The following COG7 variants were observed in gnomAD, a reference collection of about 807,000 sequenced individuals.
COG7 encodes the protein conserved oligomeric Golgi complex subunit 7.
In COG7, 49 loss-of-function variants were observed where a neutral mutation model predicts 91.5. That is an observed-to-expected ratio of 0.54 (90% CI 0.43 to 0.68). The LOEUF (loss-of-function observed/expected upper bound fraction) is 0.68. COG7 is among the 30% of genes least tolerant of loss of function. The probability of loss-of-function intolerance (pLI) is 0.00; values close to 1 mark genes in which losing one functional copy is unlikely to be tolerated. For synonymous variants in COG7, 365 were observed against 388.7 expected, an observed-to-expected ratio of 0.94 and a Z score of 0.72; for missense variants, 895 against 961.3, an observed-to-expected ratio of 0.93 and a Z score of 0.91.
intron 9 of COG7, chr16:23,416,532 C>T (rs1963657104): frequency 3.8e-6 from 1 of 266,382 alleles, no homozygotes; most frequent in African/African-American, 2.3e-5. Flanking sequence ...AGGGCTTCAC[C>T]ATGTTGGCCA....
chr16:23,433,917 A>G (rs144370341), intron 5 of COG7, among the ~76,000 whole-genome samples: 1 of 152,234 alleles, frequency 6.6e-6, no homozygotes, highest in East Asian at 1.9e-4. Context: ...TGCCCTAAAA[A>G]CATGTAATGT....
chr16:23,446,053 A>T, intron 1 of COG7, 92 bp from the exon 2 acceptor site: 1 of 1,440,100 alleles, frequency 6.9e-7, no homozygotes, highest in South Asian at 1.2e-5. Context: ...ACAGGAAACA[A>T]ATCAGACAAC....
intron 16 of COG7, among the ~76,000 whole-genome samples, chr16:23,390,453 C>T (rs945434775): frequency 6.6e-6 from 1 of 152,130 alleles, no homozygotes; most frequent in African/African-American, 2.4e-5. Flanking sequence ...ATCCACCCAC[C>T]TCAGCCTCCC....
intron 14 of COG7, among the ~76,000 whole-genome samples, chr16:23,394,404 T>A (rs1963250944): frequency 6.6e-6 from 1 of 152,192 alleles, no homozygotes; most frequent in Admixed American, 6.6e-5. Flanking sequence ...ATTCATTGTT[T>A]TGTGTTTTAA....
At chr16:23,450,576 C>T (rs1443386527) in intron 1 of COG7, among the ~76,000 whole-genome samples, 1 of 152,036 alleles carries the variant, frequency 6.6e-6, no homozygotes, top group Non-Finnish European at 1.5e-5. Context: ...GCCTGTAATC[C>T]CAGCACTTTA....
At chr16:23,434,509 A>G (rs1963983770) in intron 5 of COG7, 127 bp downstream of exon 5, 4 of 757,318 alleles carry the variant, frequency 5.3e-6, no homozygotes, top group Non-Finnish European at 9.4e-6. Context: ...TGGCTAACTA[A>G]GAGAAAAACA....
chr16:23,396,117 A>G (rs1361020690), intron 14 of COG7, among the ~76,000 whole-genome samples: 1 of 152,214 alleles, frequency 6.6e-6, no homozygotes, highest in Non-Finnish European at 1.5e-5. Flanking sequence ...TGGCCCAGCC[A>G]CTAAACAACC....
intron 4 of COG7, among the ~76,000 whole-genome samples, chr16:23,439,891 T>G (rs928305887): frequency 6.6e-6 from 1 of 152,124 alleles, no homozygotes; most frequent in African/African-American, 2.4e-5. Flanking sequence ...AATTTTTTTC[T>G]AAAAAAGAAC....
At position 23,420,248 on chromosome 16, in the gene COG7, C is replaced by T. The variant is rs544525605; in HGVS notation, c.1010-1421G>A. ...ATGTAAATGTGCATATTCTACAACACAGTAATTCAATTCCTGAAAATCATC... is the reference window on the plus strand; with the variant it reads ...ATGTAAATGTGCATATTCTACAACATAGTAATTCAATTCCTGAAAATCATC... On this transcript the variant is annotated intron_variant, in intron 7 of 16. Coordinates refer to ENST00000307149, the MANE Select transcript of COG7 (RefSeq NM_153603.4). Among the ~76,000 whole-genome samples, 11 of 152,300 alleles carry T rather than the reference C, an allele frequency of 7.2e-5. No individual in the cohort carries two copies. In the East Asian group the frequency reaches 2.1e-3, roughly 29 times the overall value.
chr16:23,388,783 A>G lies in COG7; in HGVS notation c.*137T>C. 1.4e-6 allele frequency: 2 copies of G among 1,473,626 alleles called. No homozygotes were observed. Among genetic ancestry groups the G allele is most frequent in the South Asian group, 2.6e-5 (2 of 76,508 alleles). 91.3% of individuals were successfully genotyped at this position (1,473,626 alleles called of 1,614,324 possible). On this transcript the variant is annotated 3_prime_UTR_variant, in exon 17 of 17. Coordinates refer to ENST00000307149, the MANE Select transcript of COG7 (RefSeq NM_153603.4). ...CCAAAGTGCTGGGATTACAGGCGTG[A>G]GCCACCGTGACCAGCTGAACCAAGT... is the stretch of plus-strand genomic sequence containing the variant.
intron 1 of COG7, among the ~76,000 whole-genome samples, chr16:23,448,652 A>G (rs1295211142): frequency 6.6e-6 from 1 of 151,988 alleles, no homozygotes; most frequent in Non-Finnish European, 1.5e-5. Context: ...TCCCTGGACT[A>G]CGCCTTCTTA....
At position 23,416,955 on chromosome 16, in the gene COG7, C is replaced by T. The variant is rs549713733; in HGVS notation, c.1292+12G>A. 67 of 1,614,142 alleles carry T rather than the reference C, an allele frequency of 4.2e-5. 1 individual carries two copies. The East Asian group carries it at 1.4e-3, about 35-fold the overall frequency. On this transcript the variant is annotated intron_variant, in intron 9 of 16. Coordinates refer to ENST00000307149, the MANE Select transcript of COG7 (RefSeq NM_153603.4). ...AATGTGGCCCGTCTGGTCCCCAGTT[C>T]CCCAGCCTTACTTGGCAAAGAGGGA...
At chr16:23,425,175 T>C (rs1567340319) in intron 6 of COG7, among the ~76,000 whole-genome samples, 2 of 152,158 alleles carry the variant, frequency 1.3e-5, no homozygotes, top group Non-Finnish European at 2.9e-5. Flanking sequence ...CCGGGTGTGA[T>C]GGCGCATGCC....
Position 23,447,488 on chromosome 16 carries a change from G to A in COG7, c.170-1527C>T, listed in dbSNP as rs559816991. ...AGCCTCCCAAAGTGCTGGGATTACAGGCATAAGCCACCGCACCTGGCCTTA... is the reference window on the plus strand; with the variant it reads ...AGCCTCCCAAAGTGCTGGGATTACAAGCATAAGCCACCGCACCTGGCCTTA... On this transcript the variant is annotated intron_variant, in intron 1 of 16. Transcript: ENST00000307149. Among the ~76,000 whole-genome samples, 632 of 152,042 alleles carry A rather than the reference G, an allele frequency of 4.2e-3. 2 individuals carry two copies. Among genetic ancestry groups the A allele is most frequent in the African/African-American group, 0.014 (595 of 41,478 alleles).
chr16:23,415,197 C>T (rs1963633770), intron 9 of COG7: 1 of 152,200 alleles, frequency 6.6e-6, no homozygotes, highest in African/African-American at 2.4e-5. Context: ...GAGGGGCTGG[C>T]CTCAAGCACA....
Position 23,445,916 on chromosome 16 carries a change from T to A in COG7, c.215A>T (p.Asp72Val). 1 of 1,610,962 alleles carries A rather than the reference T, an allele frequency of 6.2e-7. No individual in the cohort carries two copies. The highest frequency in any genetic ancestry group is 2.2e-5 in the East Asian group (1 of 44,720). The change falls in exon 2 of 17, where the codon GAT becomes GTT. Residue 72 changes from aspartate to valine, a missense_variant. Transcript: ENST00000307149. The part of the protein sequence containing the change: ...ALQNMPKVLR[D>V]VEALKQEASF... ...TGCCTCCTGTTTTAGGGCTTCAACA[T>A]CACGGAGCACTTTGGGCATGTTCTG...
intron 14 of COG7, among the ~76,000 whole-genome samples, chr16:23,397,048 C>T (rs1391304379): frequency 2.0e-5 from 3 of 152,042 alleles, no homozygotes; most frequent in Non-Finnish European, 4.4e-5. Flanking sequence ...TAGCTGGGAC[C>T]ACAGGACACA....
At chr16:23,413,727 A>G in intron 9 of COG7, 163 bp from the exon 10 acceptor site, 3 of 611,856 alleles carry the variant, frequency 4.9e-6, no homozygotes, top group Non-Finnish European at 5.9e-6. Context: ...TGAACACAAA[A>G]AGTTCTTCTC....
chr16:23,417,461 G>A (rs1032449518), intron 8 of COG7, among the ~76,000 whole-genome samples: 1 of 152,068 alleles, frequency 6.6e-6, no homozygotes, highest in Non-Finnish European at 1.5e-5. Context: ...CTTATCAGAC[G>A]CTCCAAAGAA....
Sources: allele counts gnomAD v4.1 joint callset (sites outside exome capture counted in the v4.1 genomes callset), GRCh38; gene constraint gnomAD v4.1.1; transcripts MANE v1.5; gene names NCBI Gene and HGNC (gene_info 2026-07-23, HGNC 2026-07-21).